MYO1H: variants seen among roughly 807,000 people sequenced by gnomAD.
The protein encoded by MYO1H is myosin IH.
MYO1H carries 118 observed loss-of-function variants against 149.3 expected under a neutral mutation model. The ratio of observed to expected loss-of-function variants is 0.79; its 90% confidence interval spans 0.68 to 0.92. MYO1H has a LOEUF of 0.92. MYO1H is among the 40% of genes least tolerant of loss of function. MYO1H has a pLI of 0.00. For missense variants in MYO1H, 1,212 were observed against 1,280.7 expected, an observed-to-expected ratio of 0.95 and a Z score of 0.82; for synonymous variants, 447 against 465.2, an observed-to-expected ratio of 0.96 and a Z score of 0.50.
chr12:109,410,762 T>A (rs7315991), exon 13 of MYO1H: 1 of 1,567,596 alleles, frequency 6.4e-7, no homozygotes, highest in Non-Finnish European at 8.7e-7. Context: ...GAATCATATC[T>A]ATTCTGGTGA....
chr12:109,412,131 C>A, intron 14 of MYO1H, 146 bp downstream of exon 14: 1 of 558,124 alleles, frequency 1.8e-6, no homozygotes, highest in Non-Finnish European at 3.1e-6. Context: ...TGTGCCAGAC[C>A]TTTGTTAGTA....
the MYO1H span, among the ~76,000 whole-genome samples, chr12:109,314,462 T>G: frequency 6.6e-6 from 1 of 152,196 alleles, no homozygotes. Flanking sequence ...TTAGAATATT[T>G]GCTCAAAACC....
chr12:109,355,278 A>C (rs1173022576), intron 1 of MYO1H, among the ~76,000 whole-genome samples: 4 of 152,084 alleles, frequency 2.6e-5, no homozygotes, highest in African/African-American at 4.8e-5. Flanking sequence ...CCTTACGTGC[A>C]ATCTTCCTTA....
chr12:109,404,002 A>T (rs1870272166), exon 7 of MYO1H: 1 of 1,613,710 alleles, frequency 6.2e-7, no homozygotes, highest in African/African-American at 1.3e-5. Flanking sequence ...CCAAAGAGTC[A>T]TCCATTAGTG....
intron 15 of MYO1H, among the ~76,000 whole-genome samples, chr12:109,420,138 C>T (rs1871112879): frequency 6.6e-6 from 1 of 152,112 alleles, no homozygotes; most frequent in African/African-American, 2.4e-5. Context: ...TCTGTATATT[C>T]AGTGTATTTG....
chr12:109,338,296 A>G, the MYO1H span, among the ~76,000 whole-genome samples: 3,977 of 152,224 alleles, frequency 0.026, 72 homozygotes, highest in Middle Eastern at 0.061. Flanking sequence ...TTGTACTTTA[A>G]CAACCTAGAA....
intron 15 of MYO1H, among the ~76,000 whole-genome samples, chr12:109,417,682 CT>C (rs1870983945): frequency 6.6e-6 from 1 of 152,060 alleles, no homozygotes; most frequent in African/African-American, 2.4e-5. Context: ...TCTCATTGTG[CT>C]TTTGATTTGC....
intron 1 of MYO1H, among the ~76,000 whole-genome samples, chr12:109,364,255 C>T (rs928782553): frequency 1.3e-5 from 2 of 149,994 alleles, no homozygotes; most frequent in African/African-American, 2.4e-5. Context: ...ATGTAACTGT[C>T]TGTCCAGTCC....
At chr12:109,376,627 G>A (rs1039252547) in intron 1 of MYO1H, among the ~76,000 whole-genome samples, 3 of 152,182 alleles carry the variant, frequency 2.0e-5, no homozygotes, top group Admixed American at 2.0e-4. Context: ...CTGATCCTGG[G>A]CTCTCTATTC....
the MYO1H span, among the ~76,000 whole-genome samples, chr12:109,323,036 G>A: frequency 1.3e-5 from 2 of 152,072 alleles, no homozygotes; most frequent in African/African-American, 2.4e-5. Flanking sequence ...GAACCTGGGA[G>A]GCAGAGGTTG....
the MYO1H span, among the ~76,000 whole-genome samples, chr12:109,320,623 C>CAAAAAAAAAAA: frequency 1.1e-5 from 1 of 92,834 alleles, no homozygotes; most frequent in Non-Finnish European, 2.1e-5. Context: ...GAATCTGTCT[C>CAAAAAAAAAAA]AAAAAAAAAA....
At chr12:109,393,495 C>T in intron 3 of MYO1H, 49 bp downstream of exon 3, 1 of 1,043,424 alleles carries the variant, frequency 9.6e-7, no homozygotes, top group South Asian at 1.5e-5. Flanking sequence ...TCTTTTTCCC[C>T]TTCCTCTCTC....
the MYO1H span, among the ~76,000 whole-genome samples, chr12:109,317,488 TATATTCTC>T: frequency 6.6e-6 from 1 of 152,208 alleles, no homozygotes; most frequent in African/African-American, 2.4e-5. Context: ...GTCAGGAGAA[TATATTCTC>T]AGAGAAAAAT....
intron 5 of MYO1H, among the ~76,000 whole-genome samples, chr12:109,400,562 T>C (rs73192596): frequency 0.036 from 5,554 of 152,298 alleles, 127 homozygotes; most frequent in Middle Eastern, 0.065. Flanking sequence ...TATTCTGGAA[T>C]AAAAATCCTT....
At chr12:109,408,947 C>T (rs900062550) in intron 10 of MYO1H, among the ~76,000 whole-genome samples, 1 of 152,096 alleles carries the variant, frequency 6.6e-6, no homozygotes, top group Non-Finnish European at 1.5e-5. Context: ...TGCCACCATG[C>T]CTGGCTAATT....
chr12:109,326,482 T>C, the MYO1H span, among the ~76,000 whole-genome samples: 1 of 148,286 alleles, frequency 6.7e-6, no homozygotes, highest in African/African-American at 2.5e-5. Flanking sequence ...TCTACCTTTT[T>C]TTTATATTTT....
chr12:109,396,571 C>T, exon 4 of MYO1H: 1 of 1,611,680 alleles, frequency 6.2e-7, no homozygotes. Context: ...GTTCTCCAAC[C>T]CAGTGCTGGA....
At chr12:109,389,914 T>A (rs1869570519) in intron 2 of MYO1H, among the ~76,000 whole-genome samples, 1 of 152,154 alleles carries the variant, frequency 6.6e-6, no homozygotes, top group African/African-American at 2.4e-5. Context: ...TTAGAGTACA[T>A]ATCCTAGAGC....
exon 4 of MYO1H, chr12:109,396,549 T>C: frequency 6.2e-7 from 1 of 1,613,582 alleles, no homozygotes; most frequent in Non-Finnish European, 8.5e-7. Context: ...AAATAGCCCG[T>C]GACAGACTGC....
Sources: gnomAD v4.1 joint callset for allele counts (sites outside exome capture counted in the v4.1 genomes callset) on GRCh38, gnomAD v4.1.1 for gene constraint, MANE v1.5 for transcripts, NCBI Gene and HGNC (gene_info 2026-07-23, HGNC 2026-07-21) for gene names.